The following TM7SF3 variants were observed in gnomAD, a reference collection of about 807,000 sequenced individuals.
The protein encoded by TM7SF3 is transmembrane 7 superfamily member 3, also known as seven span transmembrane protein.
A neutral mutation model predicts 65.5 loss-of-function variants in TM7SF3; 60 were observed. The ratio of observed to expected loss-of-function variants is 0.92; its 90% confidence interval spans 0.74 to 1.14. TM7SF3 has a LOEUF of 1.14. Among genes scored for constraint, TM7SF3 ranks in the 50% most tolerant of loss-of-function variants. The probability of loss-of-function intolerance (pLI) is 0.00; values close to 1 mark genes in which losing one functional copy is unlikely to be tolerated. For synonymous variants in TM7SF3, 264 were observed against 259.6 expected (o/e 1.02, Z -0.16); for missense variants, 623 against 684.8 (o/e 0.91, Z 1.01).
intron 3 of TM7SF3, among the ~76,000 whole-genome samples, chr12:26,998,263 G>A (rs1940685626): frequency 6.6e-6 from 1 of 152,082 alleles, no homozygotes; most frequent in Non-Finnish European, 1.5e-5. Context: ...CACTAGTAAA[G>A]TATTTGCTAT....
intron 2 of TM7SF3, among the ~76,000 whole-genome samples, chr12:27,001,978 C>G (rs1462801193): frequency 6.6e-6 from 1 of 152,140 alleles, no homozygotes; most frequent in Non-Finnish European, 1.5e-5. Flanking sequence ...TTATTCCTTT[C>G]CTTTTTTCCT....
chr12:26,992,298 C>T (rs927463352), intron 5 of TM7SF3, among the ~76,000 whole-genome samples: 9 of 151,816 alleles, frequency 5.9e-5, no homozygotes, highest in East Asian at 3.9e-4. Flanking sequence ...ATTATTGAGA[C>T]GGAATGTCGC....
At chr12:26,978,828 C>T (rs1223952853) in intron 9 of TM7SF3, 1 of 151,966 alleles carries the variant, frequency 6.6e-6, no homozygotes, top group Non-Finnish European at 1.5e-5. Context: ...GCAATCCTCC[C>T]ACTTGGTCTC....
At chr12:26,976,202 T>A in intron 10 of TM7SF3, 58 bp downstream of exon 10, 13 of 1,279,976 alleles carry the variant, frequency 1.0e-5, no homozygotes, top group Non-Finnish European at 1.5e-5. Flanking sequence ...AAATAAGTGA[T>A]CAGCTGAACA....
chr12:27,007,048 AG>A (rs1398645905), intron 1 of TM7SF3, among the ~76,000 whole-genome samples: 1 of 152,244 alleles, frequency 6.6e-6, no homozygotes, highest in African/African-American at 2.4e-5. Flanking sequence ...GTACCTAAAA[AG>A]TCTTGTTCTA....
intron 6 of TM7SF3, among the ~76,000 whole-genome samples, chr12:26,983,848 GT>G (rs1939923930): frequency 6.6e-6 from 1 of 152,156 alleles, no homozygotes; most frequent in Admixed American, 6.5e-5. Flanking sequence ...GTATCATTTA[GT>G]TTACTGAAGA....
intron 1 of TM7SF3, among the ~76,000 whole-genome samples, chr12:27,010,627 C>T (rs1338240715): frequency 6.6e-6 from 1 of 152,176 alleles, no homozygotes; most frequent in African/African-American, 2.4e-5. Context: ...TTTTATGAGG[C>T]ATAATTATAT....
At chr12:26,990,247 T>C (rs906074053) in intron 6 of TM7SF3, among the ~76,000 whole-genome samples, 1 of 152,258 alleles carries the variant, frequency 6.6e-6, no homozygotes, top group East Asian at 1.9e-4. Flanking sequence ...ATTTATCTTG[T>C]CTGTCTCATC....
intron 6 of TM7SF3, among the ~76,000 whole-genome samples, chr12:26,986,334 C>A (rs1229830515): frequency 6.6e-6 from 1 of 152,156 alleles, no homozygotes; most frequent in African/African-American, 2.4e-5. Context: ...GGTCTGTCTT[C>A]AGTAAGAATC....
intron 4 of TM7SF3, 80 bp downstream of exon 4, chr12:26,996,662 T>C: frequency 2.1e-6 from 3 of 1,446,504 alleles, no homozygotes; most frequent in East Asian, 2.5e-5. Context: ...AATTAGGGAC[T>C]TGAGAGAGCT....
At position 27,013,087 on chromosome 12, in the gene TM7SF3, A is replaced by C. The variant is rs28474751; in HGVS notation, c.91+991T>G. ...GGGCATGTTGCTTCTTGGCTCCCAC[A>C]GGTGAATTTGAAGTGGCAATAGAAC... On this transcript the variant is annotated intron_variant, in intron 1 of 11. Transcript: ENST00000343028. 268 of 169,170 alleles carry C rather than the reference A, an allele frequency of 1.6e-3. 2 individuals are homozygous for C. Among genetic ancestry groups the C allele is most frequent in the African/African-American group, 6.3e-3 (260 of 41,554 alleles). 10.5% of individuals were successfully genotyped at this position (169,170 alleles called of 1,614,324 possible). A position where few individuals can be genotyped will look rare whatever the true frequency, so the allele number is the denominator to read the frequency against.
At position 27,014,225 on chromosome 12, in the gene TM7SF3, C is replaced by G; in HGVS notation, c.-57G>C. 6.6e-7 allele frequency: 1 copy of G among 1,512,902 alleles called. No homozygotes were observed. Among genetic ancestry groups the G allele is most frequent in the Non-Finnish European group, 8.9e-7 (1 of 1,121,826 alleles). The allele number at this position is 1,512,902 out of a possible 1,614,324, so 93.7% of individuals were successfully genotyped here. On this transcript the variant is annotated 5_prime_UTR_variant, in exon 1 of 12. Coordinates refer to ENST00000343028, the MANE Select transcript of TM7SF3 (RefSeq NM_016551.3). ...GGCTGGGGAGAGGTGCGGGCGTGCG[C>G]GCCGGGGCCCCGCAGCCTCGCCCAC...
chr12:26,985,652 A>AATATATATATAT (rs71069288), intron 6 of TM7SF3, among the ~76,000 whole-genome samples: 7 of 39,100 alleles, frequency 1.8e-4, no homozygotes, highest in African/African-American at 4.7e-4. Context: ...AAAAAAAAAA[A>AATATATATATAT]ATATATATAT....
intron 6 of TM7SF3, among the ~76,000 whole-genome samples, chr12:26,985,171 T>C (rs1380380900): frequency 6.6e-6 from 1 of 152,028 alleles, no homozygotes; most frequent in Non-Finnish European, 1.5e-5. Flanking sequence ...GGGAAAGAAA[T>C]GGAGGAACCC....
chr12:26,981,667 G>A (rs1939821832), intron 7 of TM7SF3, among the ~76,000 whole-genome samples: 1 of 152,152 alleles, frequency 6.6e-6, no homozygotes, highest in Non-Finnish European at 1.5e-5. Context: ...CAGGAAAGGA[G>A]TTGCTATTTC....
Position 26,991,253 on chromosome 12 carries a change from C to T in TM7SF3, c.691-626G>A, listed in dbSNP as rs149109248. Among the ~76,000 whole-genome samples the T allele has an allele frequency of 8.1e-3, 1,214 of 149,856 alleles. 14 individuals are homozygous for T. The highest frequency in any genetic ancestry group is 0.029 in the African/African-American group (1,164 of 40,834). On this transcript the variant is annotated intron_variant, in intron 5 of 11. Transcript: ENST00000343028. The stretch of plus-strand genomic sequence containing the variant: ...CTGCAAGCTCCGCTTCCCGGGTTCA[C>T]GCCATTCTCCTGCCTCAGCCTCCCC...
chr12:26,997,568 CTAA>C (rs1230812274), intron 3 of TM7SF3, among the ~76,000 whole-genome samples: 18 of 152,214 alleles, frequency 1.2e-4, no homozygotes, highest in Admixed American at 1.2e-3. Context: ...TTTGTTATAG[CTAA>C]CATTTCCTAT....
At position 26,973,826 on chromosome 12, in the gene TM7SF3, A is replaced by G. The variant is rs1196487417; in HGVS notation, c.*139T>C. 6 of 1,092,298 alleles carry G rather than the reference A, an allele frequency of 5.5e-6. No homozygotes were observed. In the African/African-American group the frequency reaches 6.3e-5, roughly 11 times the overall value. 67.7% of individuals were successfully genotyped at this position (1,092,298 alleles called of 1,614,324 possible). ...TAATCCCCTAGTACACCCTTACCAT[A>G]TATCAATAAGGGCACCATAATATTA... On this transcript the variant is annotated 3_prime_UTR_variant, in exon 12 of 12. Transcript: ENST00000343028.
At position 26,979,815 on chromosome 12, in the gene TM7SF3, G is replaced by T; in HGVS notation, c.1158C>A (p.Leu386=). The T allele has an allele frequency of 6.2e-7, 1 of 1,614,080 alleles. No homozygotes were observed. Among genetic ancestry groups the T allele is most frequent in the African/African-American group, 1.3e-5 (1 of 75,044 alleles). The part of the protein sequence containing the change: ...MLCVGLVLGF[L]ISSVTFFTPL... ...GAGTAAAGAAAGTCACTGACGAGATGAGGAACCCCAGCACTAGTCCAACAC... is the reference window on the plus strand; with the variant it reads ...GAGTAAAGAAAGTCACTGACGAGATTAGGAACCCCAGCACTAGTCCAACAC... Residue 386 remains leucine (L), a synonymous_variant, in exon 9 of 12, where the codon CTC becomes CTA. Coordinates refer to ENST00000343028, the MANE Select transcript of TM7SF3 (RefSeq NM_016551.3).
Sources: gnomAD v4.1 joint callset for allele counts (sites outside exome capture counted in the v4.1 genomes callset) on GRCh38, gnomAD v4.1.1 for gene constraint, MANE v1.5 for transcripts, NCBI Gene and HGNC (gene_info 2026-07-23, HGNC 2026-07-21) for gene names.